DST: variants seen among roughly 807,000 people sequenced by gnomAD.
DST encodes the protein dystonin.
A neutral mutation model predicts 875.2 loss-of-function variants in DST; 253 were observed. That is an observed-to-expected ratio of 0.29 (90% confidence interval 0.26 to 0.32). DST has a LOEUF of 0.32. DST is among the 10% of genes least tolerant of loss of function. The probability of loss-of-function intolerance (pLI) is 1.00; values close to 1 mark genes in which losing one functional copy is unlikely to be tolerated. For synonymous variants in DST, 3,124 were observed against 3,197.1 expected (o/e 0.98, Z 0.77); for missense variants, 8,287 against 9,111.6 (o/e 0.91, Z 3.68).
At chr6:56,874,589 T>A (rs13216793) in intron 3 of DST, among the ~76,000 whole-genome samples, 18,752 of 152,246 alleles carry the variant, frequency 0.12, 1,524 homozygotes, top group Middle Eastern at 0.2. Context: ...TCATTCTCAT[T>A]CTACATAAGG....
intron 4 of DST, among the ~76,000 whole-genome samples, chr6:56,850,687 G>A (rs774295644): frequency 6.6e-6 from 1 of 152,246 alleles, no homozygotes; most frequent in Non-Finnish European, 1.5e-5. Flanking sequence ...CGCAGGGGTT[G>A]GAAGGTTGAT....
In DST at chr6:56,905,107, C is replaced by A. The variant is rs547250373; in HGVS notation, c.217-4486G>T. Among the ~76,000 whole-genome samples, 5 of 152,274 alleles carry A rather than the reference C, an allele frequency of 3.3e-5. No individual in the cohort carries two copies. In the East Asian group the frequency reaches 9.6e-4, roughly 29 times the overall value. The stretch of plus-strand genomic sequence containing the variant: ...CCGGCCAATAAGAGTTACTCTTCAA[C>A]CATTAGGTGATGGACACTTGGAAGC... On this transcript the variant is annotated intron_variant, in intron 2 of 103. Coordinates refer to ENST00000680361, the MANE Select transcript of DST (RefSeq NM_001374736.1).
At chr6:56,562,926 T>G (rs2097564221) in intron 55 of DST, among the ~76,000 whole-genome samples, 1 of 152,234 alleles carries the variant, frequency 6.6e-6, no homozygotes, top group African/African-American at 2.4e-5. Context: ...ACATATCCTT[T>G]TTTATGGCTG....
chr6:56,954,429 G>A lies in DST; in HGVS notation c.159C>T (p.Phe53=), dbSNP rs1344885283. Residue 53 remains phenylalanine, a synonymous_variant, in exon 1 of 104, where the codon TTC becomes TTT. Transcript: ENST00000680361. The part of the protein sequence containing the change: ...QKGRHPMKSV[F]SGRSRSRDAV... The stretch of plus-strand genomic sequence containing the variant: ...TACCTCGGCTTCTTGAACGACCCGA[G>A]AAGACCGATTTCATCGGATGCCTCC... 1 of 1,367,508 alleles carries A rather than the reference G, an allele frequency of 7.3e-7. No individual in the cohort carries two copies. Among genetic ancestry groups the A allele is most frequent in the Non-Finnish European group, 9.8e-7 (1 of 1,021,790 alleles). The allele number at this position is 1,367,508 out of a possible 1,614,324, so 84.7% of individuals were successfully genotyped here.
At chr6:56,600,016 A>G (rs2098430121) in intron 45 of DST, 53 bp downstream of exon 45, 8 of 1,484,024 alleles carry the variant, frequency 5.4e-6, no homozygotes, top group Middle Eastern at 3.5e-4. Flanking sequence ...TCCAAATGAT[A>G]GTAATCGAAC....
intron 3 of DST, among the ~76,000 whole-genome samples, chr6:56,868,261 T>C (rs1371786040): frequency 6.6e-6 from 1 of 152,226 alleles, no homozygotes; most frequent in African/African-American, 2.4e-5. Context: ...TTGTTTCCAA[T>C]CGTGGTTCTG....
intron 2 of DST, among the ~76,000 whole-genome samples, chr6:56,911,079 C>T (rs1798647647): frequency 6.6e-6 from 1 of 152,204 alleles, no homozygotes; most frequent in East Asian, 1.9e-4. Flanking sequence ...CCTCACACCC[C>T]TCCAGTTATG....
intron 4 of DST, among the ~76,000 whole-genome samples, chr6:56,850,351 C>G (rs1343839503): frequency 6.6e-6 from 1 of 151,120 alleles, no homozygotes; most frequent in Admixed American, 6.6e-5. Flanking sequence ...CTGGGCTGGT[C>G]CCCTCCAGCC....
chr6:56,537,187 A>G lies in DST; in HGVS notation c.16609-247T>C, dbSNP rs142823091. 0.013 allele frequency among the ~76,000 whole-genome samples: 2,040 copies of G among 152,370 alleles called. 21 individuals carry two copies. Among genetic ancestry groups the G allele is most frequent in the Middle Eastern group, 0.024 (7 of 294 alleles). The stretch of plus-strand genomic sequence containing the variant: ...ATGATATTCTGAGTACACTTAAGTT[A>G]CTTATAAAACCAAGAAGACAGTACA... On this transcript the variant is annotated intron_variant, in intron 61 of 103. Transcript: ENST00000680361.
At position 56,629,400 on chromosome 6, in the gene DST, G is replaced by C; in HGVS notation, c.4325C>G (p.Ala1442Gly). 2 of 1,613,378 alleles carry C rather than the reference G, an allele frequency of 1.2e-6. No homozygotes were observed. Among genetic ancestry groups the C allele is most frequent in the Non-Finnish European group, 1.7e-6 (2 of 1,179,638 alleles). The change falls in exon 32 of 104, where the codon GCC becomes GGC. Residue 1442 changes from alanine (A) to glycine (G), a missense_variant. By Grantham distance (60) the Ala-to-Gly change is moderately conservative. Coordinates refer to ENST00000680361, the MANE Select transcript of DST (RefSeq NM_001374736.1). ...EVDEKRQVFH[A>G]LEDELQKAKA... ...AGCTTTCTGCAACTCATCCTCTAAG[G>C]CATGGAATACCTGTCTCTTTTCATC...
At chr6:56,642,297 T>G (rs1303093674) in intron 16 of DST, 113 bp downstream of exon 16, 8 of 914,104 alleles carry the variant, frequency 8.8e-6, no homozygotes, top group Non-Finnish European at 1.4e-5. Flanking sequence ...AACTTTAAGT[T>G]TCAGTGGAGA....
chr6:56,614,815 CAATCCTA>C, intron 36 of DST: 1 of 1,005,964 alleles, frequency 9.9e-7, no homozygotes. Flanking sequence ...ATTAGCATTA[CAATCCTA>C]ATTGTCCTGA....
intron 2 of DST, among the ~76,000 whole-genome samples, chr6:56,930,546 C>T (rs1396626476): frequency 6.6e-6 from 1 of 152,166 alleles, no homozygotes; most frequent in East Asian, 1.9e-4. Context: ...GAATTCCATA[C>T]AGTTCCTTGC....
At chr6:56,641,340 A>C (rs967600241) in intron 17 of DST, among the ~76,000 whole-genome samples, 32 of 152,164 alleles carry the variant, frequency 2.1e-4, no homozygotes, top group African/African-American at 7.5e-4. Flanking sequence ...TAATCACAGC[A>C]TTTTGGGAGG....
At position 56,463,002 on chromosome 6, in the gene DST, G is replaced by A; in HGVS notation, c.23070+44C>T. ...ACGATGTTAGTGAGTGATAGCTTCAGTTAAAGGAGAATGTTAAGACTGGAC... is the reference window on the plus strand; with the variant it reads ...ACGATGTTAGTGAGTGATAGCTTCAATTAAAGGAGAATGTTAAGACTGGAC... On this transcript the variant is annotated intron_variant, in intron 102 of 103. Coordinates refer to ENST00000680361, the MANE Select transcript of DST (RefSeq NM_001374736.1). 2.6e-6 allele frequency: 3 copies of A among 1,155,450 alleles called. No homozygotes were observed. The South Asian group carries it at 4.1e-5, about 16-fold the overall frequency. The allele number at this position is 1,155,450 out of a possible 1,614,324, so 71.6% of individuals were successfully genotyped here. A position where few individuals can be genotyped will look rare whatever the true frequency, so the allele number is the denominator to read the frequency against.
At chr6:56,843,109 C>T in intron 4 of DST, 2 of 1,573,046 alleles carry the variant, frequency 1.3e-6, no homozygotes, top group Non-Finnish European at 1.7e-6. Flanking sequence ...TGCTCCTCCA[C>T]GTACAGGTAA....
At chr6:56,648,263 G>A (rs1045440827) in intron 13 of DST, among the ~76,000 whole-genome samples, 5 of 151,942 alleles carry the variant, frequency 3.3e-5, no homozygotes, top group African/African-American at 4.8e-5. Context: ...AAGCCATCTC[G>A]GGGGCTGCAA....
At chr6:56,464,826 G>C in intron 99 of DST, 70 bp from the exon 100 acceptor site, 2 of 1,205,184 alleles carry the variant, frequency 1.7e-6, no homozygotes, top group Non-Finnish European at 2.4e-6. Context: ...ACAAAGTACA[G>C]TAGTTGAATA....
At chr6:56,685,840 A>G (rs1475030302) in intron 9 of DST, among the ~76,000 whole-genome samples, 1 of 152,214 alleles carries the variant, frequency 6.6e-6, no homozygotes, top group Non-Finnish European at 1.5e-5. Flanking sequence ...ATACACTGTT[A>G]GTGGAAATGC....
Sources: allele counts gnomAD v4.1 joint callset (sites outside exome capture counted in the v4.1 genomes callset), GRCh38; gene constraint gnomAD v4.1.1; transcripts MANE v1.5; gene names NCBI Gene and HGNC (gene_info 2026-07-23, HGNC 2026-07-21).